PAK5: variants seen among roughly 807,000 people sequenced by gnomAD.
PAK5 encodes the protein p21 (RAC1) activated kinase 5.
PAK5 carries 16 observed loss-of-function variants against 65.9 expected under a neutral mutation model. The observed-to-expected ratio is 0.24, with a 90% confidence interval of 0.16 to 0.37. The LOEUF (loss-of-function observed/expected upper bound fraction) is 0.37, where lower values mean the gene tolerates loss of function less well. Among genes scored for constraint, PAK5 ranks in the 10% least tolerant of loss-of-function variants. The pLI is 1.00. For synonymous variants in PAK5, 371 were observed against 354.9 expected (o/e 1.05, Z -0.51); for missense variants, 785 against 903.9 (o/e 0.87, Z 1.69).
chr20:9,814,962 C>A (rs1449859491), intron 1 of PAK5, among the ~76,000 whole-genome samples: 2 of 152,132 alleles, frequency 1.3e-5, no homozygotes, highest in Non-Finnish European at 2.9e-5. Context: ...ATAGCACCTG[C>A]ACCTGCTTCT....
chr20:9,557,532 G>A, intron 7 of PAK5, 76 bp downstream of exon 7: 2 of 1,225,992 alleles, frequency 1.6e-6, no homozygotes, highest in Non-Finnish European at 2.2e-6. Context: ...ATAAAAAAGT[G>A]TTTCTAAAAG....
chr20:9,680,510 C>A (rs1459586606), intron 2 of PAK5, among the ~76,000 whole-genome samples: 1 of 152,142 alleles, frequency 6.6e-6, no homozygotes, highest in South Asian at 2.1e-4. Context: ...GGTTGTACCC[C>A]AGGGTGGTCC....
At chr20:9,816,743 T>C (rs1239642430) in intron 1 of PAK5, among the ~76,000 whole-genome samples, 1 of 152,176 alleles carries the variant, frequency 6.6e-6, no homozygotes, top group Non-Finnish European at 1.5e-5. Flanking sequence ...ACTTCTCTGC[T>C]TCCATAATTA....
intron 3 of PAK5, among the ~76,000 whole-genome samples, chr20:9,591,510 GA>G (rs1313145447): frequency 6.6e-6 from 1 of 151,998 alleles, no homozygotes. Context: ...GGAAATTGGG[GA>G]AAAATAAGTT....
chr20:9,677,045 A>ATGTG (rs4053117), intron 2 of PAK5, among the ~76,000 whole-genome samples: 290 of 141,220 alleles, frequency 2.1e-3, no homozygotes, highest in African/African-American at 6.8e-3. Context: ...GGGTATGTGC[A>ATGTG]TGTGTGTGTG....
At chr20:9,715,938 C>G (rs2048140546) in intron 1 of PAK5, among the ~76,000 whole-genome samples, 1 of 151,546 alleles carries the variant, frequency 6.6e-6, no homozygotes, top group Non-Finnish European at 1.5e-5. Flanking sequence ...GGAGATATAC[C>G]TAATGTAAAT....
At chr20:9,830,090 GTCTT>G (rs1230318818) in intron 1 of PAK5, among the ~76,000 whole-genome samples, 1 of 152,214 alleles carries the variant, frequency 6.6e-6, no homozygotes, top group Non-Finnish European at 1.5e-5. Flanking sequence ...AGCTCAAGGG[GTCTT>G]TGTTGCAGAG....
intron 2 of PAK5, among the ~76,000 whole-genome samples, chr20:9,659,707 C>T (rs1159648166): frequency 1.3e-5 from 2 of 152,110 alleles, no homozygotes; most frequent in Non-Finnish European, 2.9e-5. Flanking sequence ...AGTTGTAGTA[C>T]AATTTTAGAT....
At position 9,752,457 on chromosome 20, in the gene PAK5, C is replaced by T. The variant is rs554104369; in HGVS notation, c.-161-41022G>A. ...AGAGTGGAAGTAGGGAGATAAGTTACGGAGTTACTGTGGTCTACCAGGGGA... is the reference window on the plus strand; with the variant it reads ...AGAGTGGAAGTAGGGAGATAAGTTATGGAGTTACTGTGGTCTACCAGGGGA... On this transcript the variant is annotated intron_variant, in intron 1 of 9. Transcript: ENST00000353224. Among the ~76,000 whole-genome samples the T allele has an allele frequency of 2.0e-4, 30 of 152,152 alleles. 1 individual carries two copies. The highest frequency in any genetic ancestry group is 1.6e-3 in the Admixed American group (25 of 15,268).
rs1028087891 is a variant in PAK5 at position 9,667,160 on chromosome 20, C to T, written c.-11-22821G>A. Among the ~76,000 whole-genome samples, 21 of 152,172 alleles carry T rather than the reference C, an allele frequency of 1.4e-4. 1 individual carries two copies. The highest frequency in any genetic ancestry group is 8.5e-4 in the Admixed American group (13 of 15,272). On this transcript the variant is annotated intron_variant, in intron 2 of 9. Coordinates refer to ENST00000353224, the MANE Select transcript of PAK5 (RefSeq NM_177990.4). ...AGCGTGGTGGTGTGCACCTGTAATC[C>T]CAGCTACTTGGGAGGCTGAGGCAGG...
intron 2 of PAK5, among the ~76,000 whole-genome samples, chr20:9,661,506 T>C (rs149619083): frequency 6.6e-6 from 1 of 152,298 alleles, no homozygotes; most frequent in African/African-American, 2.4e-5. Flanking sequence ...ATGGGCATAA[T>C]GAATTGTCTC....
chr20:9,814,626 T>C (rs182878026), intron 1 of PAK5, among the ~76,000 whole-genome samples: 1 of 152,326 alleles, frequency 6.6e-6, no homozygotes, highest in East Asian at 1.9e-4. Flanking sequence ...TATGCCACTC[T>C]TTCATAAAAT....
intron 2 of PAK5, among the ~76,000 whole-genome samples, chr20:9,654,125 C>T (rs1335362489): frequency 6.6e-6 from 1 of 151,990 alleles, no homozygotes; most frequent in Non-Finnish European, 1.5e-5. Flanking sequence ...AGGCATGCAC[C>T]ACGATGCCCA....
intron 2 of PAK5, among the ~76,000 whole-genome samples, chr20:9,651,167 A>C (rs2047198237): frequency 6.6e-6 from 1 of 152,182 alleles, no homozygotes; most frequent in Admixed American, 6.5e-5. Context: ...ATTCTTGGGC[A>C]ACTGGCTTTG....
At chr20:9,780,631 C>T (rs535775215) in intron 1 of PAK5, among the ~76,000 whole-genome samples, 123 of 152,002 alleles carry the variant, frequency 8.1e-4, no homozygotes, top group African/African-American at 2.7e-3. Context: ...TATATAAATA[C>T]ATAAAACAAT....
At chr20:9,613,367 C>G (rs547401996) in intron 3 of PAK5, among the ~76,000 whole-genome samples, 1 of 152,320 alleles carries the variant, frequency 6.6e-6, no homozygotes, top group Non-Finnish European at 1.5e-5. Context: ...ACAGGCAGAA[C>G]TGTCCATGGG....
chr20:9,745,260 G>A (rs890477581), intron 1 of PAK5, among the ~76,000 whole-genome samples: 2 of 151,872 alleles, frequency 1.3e-5, no homozygotes, highest in Admixed American at 6.6e-5. Context: ...TGAAAATGGT[G>A]CATTTATCTT....
chr20:9,814,752 G>T (rs542250974), intron 1 of PAK5, among the ~76,000 whole-genome samples: 1 of 152,218 alleles, frequency 6.6e-6, no homozygotes, highest in East Asian at 1.9e-4. Flanking sequence ...ATCCCCAAAT[G>T]CCATATTTTG....
At chr20:9,679,314 T>C (rs2123397169) in intron 2 of PAK5, among the ~76,000 whole-genome samples, 1 of 152,192 alleles carries the variant, frequency 6.6e-6, no homozygotes, top group Non-Finnish European at 1.5e-5. Context: ...GTAGTTTAAG[T>C]TTTGGGGGAG....
Sources: allele counts gnomAD v4.1 joint callset (sites outside exome capture counted in the v4.1 genomes callset), GRCh38; gene constraint gnomAD v4.1.1; transcripts MANE v1.5; gene names NCBI Gene and HGNC (gene_info 2026-07-23, HGNC 2026-07-21).